Variants in MYO16 observed in about 807,000 individuals in gnomAD.
MYO16 encodes the protein myosin XVI.
MYO16 carries 94 observed loss-of-function variants against 205.3 expected under a neutral mutation model. The ratio of observed to expected loss-of-function variants is 0.46; its 90% CI spans 0.39 to 0.54. The LOEUF (loss-of-function observed/expected upper bound fraction) is 0.54. MYO16 is among the 20% of genes least tolerant of loss of function. MYO16 has a pLI of 0.00. For missense variants in MYO16, 2,315 were observed against 2,387.5 expected (o/e 0.97, Z 0.63); for synonymous variants, 988 against 954.0 (o/e 1.04, Z -0.66).
intron 34 of MYO16, among the ~76,000 whole-genome samples, chr13:109,187,183 A>G (rs1879722857): frequency 3.3e-5 from 5 of 152,128 alleles, no homozygotes. Flanking sequence ...ACTTGTTTGC[A>G]TGATTTTCTT....
At chr13:108,936,086 TTCCTTCCTTCC>T (rs1409387055) in intron 16 of MYO16, among the ~76,000 whole-genome samples, 1 of 1,550 alleles carries the variant, frequency 6.5e-4, no homozygotes, top group Non-Finnish European at 5.0e-3. Context: ...TGGCTATAGT[TTCCTTCCTTCC>T]TTCCTTCCTT....
chr13:108,678,531 T>C (rs1273087109), intron 2 of MYO16, among the ~76,000 whole-genome samples: 3 of 152,152 alleles, frequency 2.0e-5, no homozygotes, highest in Admixed American at 2.0e-4. Flanking sequence ...CTACCAGGCT[T>C]TTTCCCAGTG....
chr13:109,065,959 T>C (rs1461838025), intron 27 of MYO16, among the ~76,000 whole-genome samples: 1 of 152,218 alleles, frequency 6.6e-6, no homozygotes, highest in Non-Finnish European at 1.5e-5. Flanking sequence ...GGGTTGGCTA[T>C]TATGCTTGGC....
At position 108,898,268 on chromosome 13, in the gene MYO16, G is replaced by C. The variant is rs1880527891; in HGVS notation, c.1777+135G>C. ...AAACCTATTCTTCATGACCGTGTCT[G>C]GAAACAGCTTAAGATACTTCTGGAA... is the stretch of plus-strand genomic sequence containing the variant. On this transcript the variant is annotated intron_variant, in intron 15 of 34. Transcript: ENST00000457511. 4.3e-6 allele frequency: 3 copies of C among 702,060 alleles called. No individual in the cohort carries two copies. The Admixed American group carries it at 7.2e-5, about 17-fold the overall frequency. The allele number at this position is 702,060 out of a possible 1,614,324, so 43.5% of individuals were successfully genotyped here.
At chr13:108,569,340 T>C in the MYO16 span, among the ~76,000 whole-genome samples, 5 of 152,264 alleles carry the variant, frequency 3.3e-5, no homozygotes, top group Admixed American at 2.6e-4. Flanking sequence ...CTTTTAACAA[T>C]GTTTTTTTGG....
chr13:109,100,290 G>C (rs1199971042), intron 27 of MYO16, among the ~76,000 whole-genome samples: 9 of 152,122 alleles, frequency 5.9e-5, no homozygotes, highest in Non-Finnish European at 1.0e-4. Context: ...TGAAATATTC[G>C]ATATATAATA....
At chr13:109,177,628 C>T (rs1879264938) in intron 33 of MYO16, among the ~76,000 whole-genome samples, 1 of 152,130 alleles carries the variant, frequency 6.6e-6, no homozygotes, top group Non-Finnish European at 1.5e-5. Context: ...AGCGATTCTC[C>T]TGCCTCAGCC....
At chr13:109,033,817 A>G (rs1331770954) in intron 23 of MYO16, among the ~76,000 whole-genome samples, 1 of 152,172 alleles carries the variant, frequency 6.6e-6, no homozygotes, top group African/African-American at 2.4e-5. Context: ...CTACAAGGCC[A>G]CTACTCTGGA....
chr13:108,713,454 AG>A (rs1234827517), intron 3 of MYO16, among the ~76,000 whole-genome samples: 4 of 152,206 alleles, frequency 2.6e-5, no homozygotes, highest in Admixed American at 6.5e-5. Flanking sequence ...CTTAACTTCC[AG>A]AAGCTCCTTA....
rs1880669024 is a variant in MYO16, at chr13:109,207,830, T to A, written c.*994T>A. On this transcript the variant is annotated 3_prime_UTR_variant, in exon 35 of 35. Transcript: ENST00000457511. ...CTTACACTGCATGATTCCCTCACTG[T>A]ATATCCTCAACCCTCCCATAATGCA... 1 of 152,246 alleles carries A rather than the reference T, an allele frequency of 6.6e-6. No homozygotes were observed. Among genetic ancestry groups the A allele is most frequent in the Non-Finnish European group, 1.5e-5 (1 of 68,054 alleles). The allele number at this position is 152,246 out of a possible 1,614,324, so 9.4% of individuals were successfully genotyped here. A position where few individuals can be genotyped will look rare whatever the true frequency, so the allele number is the denominator to read the frequency against.
At chr13:109,178,047 A>G (rs1879287961) in intron 33 of MYO16, among the ~76,000 whole-genome samples, 1 of 151,696 alleles carries the variant, frequency 6.6e-6, no homozygotes, top group East Asian at 1.9e-4. Context: ...GTGCCCTACT[A>G]CCCGGAAACA....
Position 109,007,562 on chromosome 13 carries a change from G to A in MYO16, c.2443-1335G>A, listed in dbSNP as rs943704349. 2.0e-5 allele frequency among the ~76,000 whole-genome samples: 3 copies of A among 148,946 alleles called. No homozygotes were observed. In the South Asian group the frequency reaches 6.3e-4, roughly 31 times the overall value. On this transcript the variant is annotated intron_variant, in intron 21 of 34. Transcript: ENST00000457511. ...GCCGTGTGTGTGTGTGTGTGTGTGT[G>A]TGTGTGTGTGTGTGTGTGTGTGTGT...
intron 7 of MYO16, among the ~76,000 whole-genome samples, chr13:108,814,280 C>T (rs527391658): frequency 7.2e-5 from 11 of 152,036 alleles, no homozygotes; most frequent in African/African-American, 2.4e-4. Context: ...GCATTATTGC[C>T]ATTCTTTCAA....
chr13:108,503,266 C>G, the MYO16 span, among the ~76,000 whole-genome samples: 20 of 152,134 alleles, frequency 1.3e-4, no homozygotes, highest in African/African-American at 4.8e-4. Context: ...GTGGAAAACC[C>G]CCCTAGGCCT....
chr13:108,913,348 A>G (rs535108207), intron 16 of MYO16, among the ~76,000 whole-genome samples: 10 of 152,332 alleles, frequency 6.6e-5, no homozygotes, highest in African/African-American at 2.2e-4. Flanking sequence ...ATAACATAGT[A>G]TGTATACAGT....
At chr13:108,542,484 T>C in the MYO16 span, among the ~76,000 whole-genome samples, 1 of 152,080 alleles carries the variant, frequency 6.6e-6, no homozygotes, top group African/African-American at 2.4e-5. Context: ...AGTTAAAATA[T>C]TTTTTAAAAA....
intron 23 of MYO16, among the ~76,000 whole-genome samples, chr13:109,045,795 A>T (rs1887022400): frequency 6.6e-6 from 1 of 152,166 alleles, no homozygotes; most frequent in Non-Finnish European, 1.5e-5. Context: ...CCCTTTCTTC[A>T]TAGTTTCTTC....
At chr13:108,731,042 C>T (rs888933419) in intron 4 of MYO16, among the ~76,000 whole-genome samples, 1 of 152,166 alleles carries the variant, frequency 6.6e-6, no homozygotes, top group Non-Finnish European at 1.5e-5. Context: ...TATTTGTTCC[C>T]ATGGCAACAA....
intron 4 of MYO16, among the ~76,000 whole-genome samples, chr13:108,740,423 A>G (rs911369770): frequency 5.3e-5 from 8 of 152,302 alleles, no homozygotes; most frequent in East Asian, 1.9e-4. Flanking sequence ...TTGCCTGGGT[A>G]TCAGCAGTGG....
Sources: gnomAD v4.1 joint callset for allele counts (sites outside exome capture counted in the v4.1 genomes callset) on GRCh38, gnomAD v4.1.1 for gene constraint, MANE v1.5 for transcripts, NCBI Gene and HGNC (gene_info 2026-07-23, HGNC 2026-07-21) for gene names.